The following COL23A1 variants were observed in gnomAD, a reference collection of about 807,000 sequenced individuals.
The protein encoded by COL23A1 is collagen alpha-1(XXIII) chain.
In COL23A1, 97 loss-of-function variants were observed where a neutral mutation model predicts 99.3. That is an observed-to-expected ratio of 0.98 (90% CI 0.83 to 1.16). COL23A1 has a LOEUF of 1.16. Ranked by LOEUF, COL23A1 falls within the 50% of genes most tolerant of loss-of-function variation. The pLI is 0.00. For missense variants in COL23A1, 762 were observed against 757.4 expected (o/e 1.01, Z -0.07); for synonymous variants, 320 against 308.2 (o/e 1.04, Z -0.40).
In COL23A1 at chr5:178,249,147, T is replaced by C. The variant is rs778192275; in HGVS notation, c.1119A>G (p.Glu373=). 5 of 1,614,042 alleles carry C rather than the reference T, an allele frequency of 3.1e-6. No individual in the cohort carries two copies. Among genetic ancestry groups the C allele is most frequent in the East Asian group, 2.2e-5 (1 of 44,888 alleles). The part of the protein sequence containing the change: ...GEPGPAGLKG[E]AGEMGLSGLP... ...GGCCGGACAAGCCCATCTCGCCTGC[T>C]TCCCCTTTGAGTCCTGCTGGCCCAG... The change falls in exon 19 of 29, where the codon GAA becomes GAG. Residue 373 remains glutamate, a synonymous_variant. Coordinates refer to ENST00000390654, the MANE Select transcript of COL23A1 (RefSeq NM_173465.4).
At chr5:178,278,501 C>T (rs72819052) in intron 5 of COL23A1, among the ~76,000 whole-genome samples, 10,660 of 152,300 alleles carry the variant, frequency 0.07, 477 homozygotes, top group East Asian at 0.11. Flanking sequence ...GCGGGTGCCC[C>T]GATTCACCCC....
intron 2 of COL23A1, among the ~76,000 whole-genome samples, chr5:178,526,504 C>G (rs1760318157): frequency 6.6e-6 from 1 of 152,164 alleles, no homozygotes; most frequent in South Asian, 2.1e-4. Context: ...GGCGAGCAAG[C>G]CCACCAGGAG....
At chr5:178,257,685 AC>A in intron 12 of COL23A1, 118 bp from the exon 13 acceptor site, 3 of 1,011,576 alleles carry the variant, frequency 3.0e-6, no homozygotes, top group Non-Finnish European at 4.5e-6. Flanking sequence ...GGCACATGGT[AC>A]CAGGCAGCTC....
intron 2 of COL23A1, among the ~76,000 whole-genome samples, chr5:178,334,837 T>C (rs114267277): frequency 6.6e-6 from 1 of 152,322 alleles, no homozygotes; most frequent in African/African-American, 2.4e-5. Flanking sequence ...ACAGGTAAGA[T>C]GACAGGGCCC....
chr5:178,358,356 ATG>A lies in COL23A1; in HGVS notation c.362-51439_362-51438del, dbSNP rs200284457. On this transcript the variant is annotated intron_variant, in intron 2 of 28. Coordinates refer to ENST00000390654, the MANE Select transcript of COL23A1 (RefSeq NM_173465.4). ...TATGTCTAATGTGTGTATTGTGTGTATGTGTATGTGTACGTGTGTATGTCTAA... is the reference window on the plus strand; with the variant it reads ...TATGTCTAATGTGTGTATTGTGTGTATGTATGTGTACGTGTGTATGTCTAA... Among the ~76,000 whole-genome samples, 1,269 of 138,876 alleles carry A rather than the reference ATG, an allele frequency of 9.1e-3. 7 individuals carry two copies. Among genetic ancestry groups the A allele is most frequent in the South Asian group, 0.03 (127 of 4,256 alleles). The allele number at this position is 138,876 out of a possible 152,430, so 91.1% of individuals were successfully genotyped here.
Position 178,306,140 on chromosome 5 carries a change from C to T in COL23A1, c.406+735G>A, listed in dbSNP as rs1027360324. On this transcript the variant is annotated intron_variant, in intron 3 of 28. Transcript: ENST00000390654. This position sits in a 1 kb window ranked among gnomAD's most constrained non-coding sequence, Gnocchi z 4.1. ...GTCCCGTGAGAATGGCAAAGGAGCC[C>T]GGGTCACAGATGAGGGAGGAAGCGC... Among the ~76,000 whole-genome samples, 16 of 151,934 alleles carry T rather than the reference C, an allele frequency of 1.1e-4. No homozygotes were observed. The highest frequency in any genetic ancestry group is 2.9e-4 in the African/African-American group (12 of 41,326).
intron 5 of COL23A1, among the ~76,000 whole-genome samples, chr5:178,283,762 C>T (rs553528922): frequency 3.0e-4 from 45 of 152,298 alleles, no homozygotes; most frequent in South Asian, 1.5e-3. Flanking sequence ...CAAGATTAAG[C>T]CCTGCATGAG....
At chr5:178,347,751 G>A (rs1487400930) in intron 2 of COL23A1, among the ~76,000 whole-genome samples, 1 of 151,496 alleles carries the variant, frequency 6.6e-6, no homozygotes, top group East Asian at 1.9e-4. Flanking sequence ...CGCACTGGCG[G>A]GCGCCTATAA....
chr5:178,427,924 C>T (rs1311026790), intron 2 of COL23A1, among the ~76,000 whole-genome samples: 2 of 152,184 alleles, frequency 1.3e-5, no homozygotes, highest in East Asian at 3.8e-4. Context: ...CTGTCCAGCA[C>T]CAGGAGTGGT....
intron 2 of COL23A1, among the ~76,000 whole-genome samples, chr5:178,540,299 A>C (rs532884062): frequency 2.6e-4 from 40 of 152,336 alleles, no homozygotes; most frequent in African/African-American, 9.6e-4. Flanking sequence ...TAACAAGTAC[A>C]TGTGGCAAGG....
chr5:178,355,507 G>GCCGC, intron 2 of COL23A1, among the ~76,000 whole-genome samples: 1 of 152,024 alleles, frequency 6.6e-6, no homozygotes, highest in Admixed American at 6.5e-5. Context: ...ACTACCGAAG[G>GCCGC]CTGAGTAATT....
intron 5 of COL23A1, among the ~76,000 whole-genome samples, chr5:178,274,435 T>C (rs1351269875): frequency 6.6e-6 from 1 of 152,152 alleles, no homozygotes; most frequent in African/African-American, 2.4e-5. Flanking sequence ...GACAGAGGCA[T>C]GGCAGGGCAA....
intron 1 of COL23A1, chr5:178,562,064 G>C: frequency 1.9e-6 from 1 of 533,240 alleles, no homozygotes; most frequent in South Asian, 1.5e-5. Flanking sequence ...CCTGCCGGTG[G>C]GTTCGTGGTC....
At chr5:178,517,558 T>TTTA (rs1759594343) in intron 2 of COL23A1, among the ~76,000 whole-genome samples, 1 of 15,834 alleles carries the variant, frequency 6.3e-5, no homozygotes, top group Non-Finnish European at 1.5e-4. Context: ...GTGACAGCAG[T>TTTA]TTTTTTTTTG....
At chr5:178,463,536 G>A (rs889507311) in intron 2 of COL23A1, among the ~76,000 whole-genome samples, 2 of 152,114 alleles carry the variant, frequency 1.3e-5, no homozygotes, top group Non-Finnish European at 2.9e-5. Flanking sequence ...CTTGTCCCCC[G>A]CACTTTGGAA....
chr5:178,531,560 A>G (rs984629787), intron 2 of COL23A1, among the ~76,000 whole-genome samples: 2 of 152,244 alleles, frequency 1.3e-5, no homozygotes, highest in African/African-American at 4.8e-5. Flanking sequence ...TGGAATTATC[A>G]TCCTGCAAGA....
intron 1 of COL23A1, among the ~76,000 whole-genome samples, chr5:178,562,428 C>T (rs1365485185): frequency 5.3e-5 from 8 of 151,156 alleles, no homozygotes; most frequent in East Asian, 2.0e-4. Context: ...GTGGCGGGCG[C>T]CTGTAGTCCC....
At position 178,321,622 on chromosome 5, in the gene COL23A1, T is replaced by A. The variant is rs185478204; in HGVS notation, c.362-14703A>T. 1.0e-3 allele frequency among the ~76,000 whole-genome samples: 154 copies of A among 151,164 alleles called. 2 individuals carry two copies. The East Asian group carries it at 0.028, about 28-fold the overall frequency. On this transcript the variant is annotated intron_variant, in intron 2 of 28. Coordinates refer to ENST00000390654, the MANE Select transcript of COL23A1 (RefSeq NM_173465.4). The stretch of plus-strand genomic sequence containing the variant: ...CTCCTGCCTCAGCCTCCCGAGTAGC[T>A]GGGACTACAGGCACCTGCCACCATG...
chr5:178,383,729 G>A (rs1355943686), intron 2 of COL23A1, among the ~76,000 whole-genome samples: 1 of 152,134 alleles, frequency 6.6e-6, no homozygotes, highest in African/African-American at 2.4e-5. Context: ...AGTGTTAGCC[G>A]GGAGCCCCCT....
Sources: allele counts gnomAD v4.1 joint callset (sites outside exome capture counted in the v4.1 genomes callset), GRCh38; gene constraint gnomAD v4.1.1; non-coding constraint Gnocchi (gnomAD v3.1); transcripts MANE v1.5; gene names NCBI Gene and HGNC (gene_info 2026-07-23, HGNC 2026-07-21).